BAG2: variants seen among roughly 807,000 people sequenced by gnomAD.
BAG2 encodes the protein BAG cochaperone 2, also known as BAG family molecular chaperone regulator 2.
BAG2 carries 8 observed loss-of-function variants against 16.4 expected under a neutral mutation model. The ratio of observed to expected loss-of-function variants is 0.49; its 90% CI spans 0.29 to 0.88. The LOEUF is 0.88. BAG2 is among the 40% of genes least tolerant of loss of function. The pLI, the probability that BAG2 is intolerant of heterozygous loss-of-function variation, is 0.09. For missense variants in BAG2, 218 were observed against 248.9 expected, an observed-to-expected ratio of 0.88 and a Z score of 0.84; for synonymous variants, 82 against 89.2, an observed-to-expected ratio of 0.92 and a Z score of 0.46.
intron 1 of BAG2, among the ~76,000 whole-genome samples, chr6:57,176,886 G>C (rs1034003746): frequency 2.8e-5 from 4 of 140,498 alleles, no homozygotes; most frequent in Non-Finnish European, 6.2e-5. Flanking sequence ...AGAAATGAGG[G>C]AAGTGAGGTC....
chr6:57,182,530 C>CAAAA (rs758049333), intron 2 of BAG2, among the ~76,000 whole-genome samples: 4 of 41,566 alleles, frequency 9.6e-5, no homozygotes, highest in East Asian at 6.5e-4. Flanking sequence ...AAGTAGAGAC[C>CAAAA]AAAAAAAAAA....
At position 57,172,634 on chromosome 6, in the gene BAG2, G is replaced by A. The variant is rs552510876; in HGVS notation, c.-64G>A. 4,619 of 1,350,742 alleles carry A rather than the reference G, an allele frequency of 3.4e-3. 43 individuals are homozygous for A. Among genetic ancestry groups the A allele is most frequent in the South Asian group, 0.02 (1,260 of 64,500 alleles). The allele number at this position is 1,350,742 out of a possible 1,614,324, so 83.7% of individuals were successfully genotyped here. A position where few individuals can be genotyped will look rare whatever the true frequency, so the allele number is the denominator to read the frequency against. On this transcript the variant is annotated 5_prime_UTR_variant, in exon 1 of 3. Coordinates refer to ENST00000370693, the MANE Select transcript of BAG2 (RefSeq NM_004282.4). ...GACGGCGACGCCTGCAGCCCAAGGA[G>A]CGCTCCACTCGCTGCCGCCGGAGGG... is the stretch of plus-strand genomic sequence containing the variant.
At position 57,183,632 on chromosome 6, in the gene BAG2, C is replaced by A. The variant is rs1049946204; in HGVS notation, c.224-146C>A. On this transcript the variant is annotated intron_variant, in intron 2 of 2. Transcript: ENST00000370693. ...CCTCTTTCTGTAATCTAATACATTT[C>A]ATCAGTTAATCTTACATGCTATAGT... 8.2e-6 allele frequency: 5 copies of A among 613,414 alleles called. No homozygotes were observed. The Admixed American group carries it at 1.0e-4, about 13-fold the overall frequency. The allele number at this position is 613,414 out of a possible 1,614,324, so 38.0% of individuals were successfully genotyped here.
intron 1 of BAG2, among the ~76,000 whole-genome samples, chr6:57,179,327 C>T (rs890509208): frequency 2.6e-5 from 4 of 152,120 alleles, no homozygotes; most frequent in African/African-American, 9.7e-5. Flanking sequence ...GCGATTCTTC[C>T]CAGTTCTTTG....
Position 57,183,855 on chromosome 6 carries a change from A to G in BAG2, c.301A>G (p.Ile101Val). Reference sequence around the variant, plus strand: ...CACCGTTGAAGTGTCAGTAGAAACAATTAGAAACCCCCAGCAGCAAGAATC... The same window carrying G: ...CACCGTTGAAGTGTCAGTAGAAACAGTTAGAAACCCCCAGCAGCAAGAATC... Reference protein sequence around the residue: ...TLTVEVSVETIRNPQQQESLK... With the variant: ...TLTVEVSVETVRNPQQQESLK... The change falls in exon 3 of 3, where the codon ATT becomes GTT. Residue 101 changes from isoleucine to valine, a missense_variant. Coordinates refer to ENST00000370693, the MANE Select transcript of BAG2 (RefSeq NM_004282.4). 1.2e-6 allele frequency: 2 copies of G among 1,614,046 alleles called. No homozygotes were observed. Among genetic ancestry groups the G allele is most frequent in the Non-Finnish European group, 1.7e-6 (2 of 1,179,958 alleles).
In BAG2 at chr6:57,172,814, A is replaced by T; in HGVS notation, c.113+4A>T. 6.6e-7 allele frequency: 1 copy of T among 1,516,604 alleles called. No homozygotes were observed. Among genetic ancestry groups the T allele is most frequent in the East Asian group, 2.7e-5 (1 of 37,204 alleles). 93.9% of individuals were successfully genotyped at this position (1,516,604 alleles called of 1,614,324 possible). On this transcript the variant is annotated splice_donor_region_variant and intron_variant, in intron 1 of 2. Coordinates refer to ENST00000370693, the MANE Select transcript of BAG2 (RefSeq NM_004282.4). ...GCCTGGACCAGCTGGAGCTCAGGTG[A>T]GCTCCGGGCGGGCGGTCTCGGGCGT...
Position 57,184,027 on chromosome 6 carries a change from T to C in BAG2, c.473T>C (p.Ile158Thr). The C allele has an allele frequency of 6.2e-7, 1 of 1,613,262 alleles. No individual in the cohort carries two copies. The change falls in exon 3 of 3, where the codon ATA becomes ACA. Residue 158 changes from isoleucine (I) to threonine (T), a missense_variant. Physicochemically the swap from Ile to Thr is moderately conservative, Grantham distance 89. This residue lies in a region of BAG2 where 113 missense variants were observed against 128.0 expected (regional missense o/e 0.88). Coordinates refer to ENST00000370693, the MANE Select transcript of BAG2 (RefSeq NM_004282.4). ...HGPVDQKFQSIVIGCALEDQK... is the reference protein window; with the variant it reads ...HGPVDQKFQSTVIGCALEDQK... ...CCAGTTGATCAGAAGTTTCAATCCA[T>C]AGTAATTGGCTGTGCTCTTGAAGAT...
At chr6:57,174,372 A>G (rs1226598833) in intron 1 of BAG2, 4 of 1,304,214 alleles carry the variant, frequency 3.1e-6, no homozygotes, top group Non-Finnish European at 4.0e-6. Context: ...TTGTCCTCCA[A>G]CTTGAATTAA....
chr6:57,188,622 A>T lies in BAG2; in HGVS notation c.*4432A>T, dbSNP rs1278577653. The T allele has an allele frequency of 6.6e-6, 1 of 152,110 alleles. No individual in the cohort carries two copies. Among genetic ancestry groups the T allele is most frequent in the Non-Finnish European group, 1.5e-5 (1 of 68,014 alleles). 9.4% of individuals were successfully genotyped at this position (152,110 alleles called of 1,614,324 possible). ...TTGAAGAGAGTAGAAAAGATGACTC[A>T]TTAGCAGTATCCACTGTTTGTTAGG... On this transcript the variant is annotated 3_prime_UTR_variant, in exon 3 of 3. Transcript: ENST00000370693.
intron 1 of BAG2, among the ~76,000 whole-genome samples, chr6:57,177,703 T>C (rs1309597211): frequency 2.0e-5 from 3 of 152,176 alleles, no homozygotes; most frequent in Admixed American, 2.0e-4. Context: ...ACTGTTCCCT[T>C]ATCATCCCTG....
chr6:57,174,404 A>C, intron 1 of BAG2: 1 of 1,303,942 alleles, frequency 7.7e-7, no homozygotes, highest in Non-Finnish European at 1.0e-6. Context: ...TGGTAGGTAC[A>C]AAAGCACTCT....
At position 57,188,617 on chromosome 6, in the gene BAG2, G is replaced by A. The variant is rs1764706873; in HGVS notation, c.*4427G>A. 1.3e-5 allele frequency: 2 copies of A among 152,036 alleles called. No homozygotes were observed. Among genetic ancestry groups the A allele is most frequent in the South Asian group, 4.1e-4 (2 of 4,832 alleles). The allele number at this position is 152,036 out of a possible 1,614,324, so 9.4% of individuals were successfully genotyped here. ...GAAAATTGAAGAGAGTAGAAAAGATGACTCATTAGCAGTATCCACTGTTTG... is the reference window on the plus strand; with the variant it reads ...GAAAATTGAAGAGAGTAGAAAAGATAACTCATTAGCAGTATCCACTGTTTG... On this transcript the variant is annotated 3_prime_UTR_variant, in exon 3 of 3. Coordinates refer to ENST00000370693, the MANE Select transcript of BAG2 (RefSeq NM_004282.4).
chr6:57,173,778 T>G (rs1764198500), intron 1 of BAG2: 1 of 157,354 alleles, frequency 6.4e-6, no homozygotes, highest in Non-Finnish European at 1.4e-5. Context: ...GGTTACATAG[T>G]TTTGTCTAGG....
At position 57,188,635 on chromosome 6, in the gene BAG2, A is replaced by G. The variant is rs1225628842; in HGVS notation, c.*4445A>G. ...AAAAGATGACTCATTAGCAGTATCCACTGTTTGTTAGGAACTGAATTTTGC... is the reference window on the plus strand; with the variant it reads ...AAAAGATGACTCATTAGCAGTATCCGCTGTTTGTTAGGAACTGAATTTTGC... On this transcript the variant is annotated 3_prime_UTR_variant, in exon 3 of 3. Coordinates refer to ENST00000370693, the MANE Select transcript of BAG2 (RefSeq NM_004282.4). The G allele has an allele frequency of 3.3e-5, 5 of 151,698 alleles. No homozygotes were observed. Among genetic ancestry groups the G allele is most frequent in the African/African-American group, 1.2e-4 (5 of 41,068 alleles). The allele number at this position is 151,698 out of a possible 1,614,324, so 9.4% of individuals were successfully genotyped here.
At chr6:57,174,109 C>A in intron 1 of BAG2, 2 of 790,906 alleles carry the variant, frequency 2.5e-6, no homozygotes, top group Non-Finnish European at 3.2e-6. Flanking sequence ...ACTGGCAAAC[C>A]TGACCGTTCC....
In BAG2 at chr6:57,185,103, G is replaced by C. The variant is rs1342221597; in HGVS notation, c.*913G>C. ...AAAGGCCCAGCAGTGAATTATATTGGGTCAAAGGATATAGACGTTTTCATG... is the reference window on the plus strand; with the variant it reads ...AAAGGCCCAGCAGTGAATTATATTGCGTCAAAGGATATAGACGTTTTCATG... On this transcript the variant is annotated 3_prime_UTR_variant, in exon 3 of 3. Transcript: ENST00000370693. 6.6e-6 allele frequency: 1 copy of C among 151,862 alleles called. No individual in the cohort carries two copies. The highest frequency in any genetic ancestry group is 1.5e-5 in the Non-Finnish European group (1 of 67,936). The allele number at this position is 151,862 out of a possible 1,614,324, so 9.4% of individuals were successfully genotyped here.
At chr6:57,182,755 A>G (rs1427568495) in intron 2 of BAG2, among the ~76,000 whole-genome samples, 1 of 152,020 alleles carries the variant, frequency 6.6e-6, no homozygotes, top group Non-Finnish European at 1.5e-5. Context: ...GGTTGAAGCG[A>G]TTCTCCTGCC....
At chr6:57,180,708 A>G (rs1764413591) in intron 1 of BAG2, among the ~76,000 whole-genome samples, 1 of 152,122 alleles carries the variant, frequency 6.6e-6, no homozygotes, top group South Asian at 2.1e-4. Context: ...ATATAGGAAA[A>G]TAGGACCAAA....
In BAG2 at chr6:57,187,714, C is replaced by G. The variant is rs1012113926; in HGVS notation, c.*3524C>G. 1 of 152,134 alleles carries G rather than the reference C, an allele frequency of 6.6e-6. No individual in the cohort carries two copies. Among genetic ancestry groups the G allele is most frequent in the African/African-American group, 2.4e-5 (1 of 41,424 alleles). 9.4% of individuals were successfully genotyped at this position (152,134 alleles called of 1,614,324 possible). On this transcript the variant is annotated 3_prime_UTR_variant, in exon 3 of 3. Transcript: ENST00000370693. ...AAGGTCTTCAGAAAAGGTCCAGTTT[C>G]CTAAAACTCACAGGTCCAAGGAGTA...
Sources: gnomAD v4.1 joint callset for allele counts (sites outside exome capture counted in the v4.1 genomes callset) on GRCh38, gnomAD v4.1.1 for gene constraint, gnomAD v4.1.1 regional missense constraint, MANE v1.5 for transcripts, NCBI Gene and HGNC (gene_info 2026-07-23, HGNC 2026-07-21) for gene names.